FHIT: variants seen among roughly 807,000 people sequenced by gnomAD.
The protein encoded by FHIT is bis(5'-adenosyl)-triphosphatase.
A neutral mutation model predicts 17.9 loss-of-function variants in FHIT; 19 were observed. The ratio of observed to expected loss-of-function variants is 1.06; its 90% CI spans 0.74 to 1.56. FHIT has a LOEUF of 1.56. FHIT is among the 40% of genes most tolerant of loss of function. The probability of loss-of-function intolerance (pLI) is 0.00; values close to 1 mark genes in which losing one functional copy is unlikely to be tolerated. For synonymous variants in FHIT, 81 were observed against 69.7 expected, an observed-to-expected ratio of 1.16 and a Z score of -0.81; for missense variants, 248 against 189.2, an observed-to-expected ratio of 1.31 and a Z score of -1.82.
At chr3:60,371,293 G>T (rs1700315790) in intron 5 of FHIT, among the ~76,000 whole-genome samples, 1 of 151,928 alleles carries the variant, frequency 6.6e-6, no homozygotes, top group African/African-American at 2.4e-5. Flanking sequence ...AATGTAATTG[G>T]GATATCCACC....
At chr3:60,364,742 G>T (rs1700041402) in intron 5 of FHIT, among the ~76,000 whole-genome samples, 3 of 152,124 alleles carry the variant, frequency 2.0e-5, no homozygotes, top group African/African-American at 4.8e-5. Flanking sequence ...TTGAATTGGT[G>T]AACTGAGTAC....
At chr3:61,052,200 G>A (rs951397811) in intron 2 of FHIT, among the ~76,000 whole-genome samples, 4 of 152,160 alleles carry the variant, frequency 2.6e-5, no homozygotes, top group Admixed American at 6.5e-5. Flanking sequence ...CCACACTCGT[G>A]TTCTTCCCAG....
intron 5 of FHIT, among the ~76,000 whole-genome samples, chr3:60,134,530 G>A (rs35411457): frequency 0.033 from 5,040 of 152,286 alleles, 175 homozygotes; most frequent in Non-Finnish European, 0.047. Flanking sequence ...CATAGATTGT[G>A]AATGACACAC....
chr3:60,608,073 T>G (rs1416365511), intron 4 of FHIT, among the ~76,000 whole-genome samples: 1 of 152,226 alleles, frequency 6.6e-6, no homozygotes, highest in Non-Finnish European at 1.5e-5. Context: ...TCTGGAGCAC[T>G]CTGCCTCTTT....
intron 7 of FHIT, among the ~76,000 whole-genome samples, chr3:59,990,379 G>A (rs917775619): frequency 3.9e-5 from 6 of 151,996 alleles, no homozygotes; most frequent in Non-Finnish European, 8.8e-5. Flanking sequence ...TCAGTTGCTG[G>A]TTCATTTAAA....
chr3:60,683,450 A>G (rs1471098536), intron 4 of FHIT, among the ~76,000 whole-genome samples: 2 of 152,214 alleles, frequency 1.3e-5, no homozygotes, highest in Non-Finnish European at 2.9e-5. Context: ...ACCCTCCACC[A>G]GCAGAAAGAT....
At chr3:61,053,470 C>A (rs1050969498) in intron 2 of FHIT, among the ~76,000 whole-genome samples, 16 of 151,926 alleles carry the variant, frequency 1.1e-4, no homozygotes, top group African/African-American at 3.6e-4. Flanking sequence ...ACCAGCCTGA[C>A]CACCATGGAG....
intron 5 of FHIT, among the ~76,000 whole-genome samples, chr3:60,182,593 C>T (rs1172435200): frequency 6.6e-6 from 1 of 151,906 alleles, no homozygotes; most frequent in African/African-American, 2.4e-5. Context: ...GCCTGGGCAA[C>T]ATGGCAAGTT....
chr3:59,768,927 C>G (rs763262748), intron 8 of FHIT, among the ~76,000 whole-genome samples: 1 of 152,256 alleles, frequency 6.6e-6, no homozygotes, highest in Non-Finnish European at 1.5e-5. Context: ...GAATCAAACT[C>G]TTACAGCATA....
chr3:60,982,274 C>G (rs1401930327), intron 3 of FHIT, among the ~76,000 whole-genome samples: 14 of 152,242 alleles, frequency 9.2e-5, no homozygotes. Context: ...AGGTTATAAA[C>G]TCAAAGTCCA....
chr3:61,012,367 G>A (rs1444390719), intron 3 of FHIT, among the ~76,000 whole-genome samples: 1 of 152,004 alleles, frequency 6.6e-6, no homozygotes, highest in Non-Finnish European at 1.5e-5. Context: ...AATTGAAGTA[G>A]AACTAATTGA....
intron 4 of FHIT, among the ~76,000 whole-genome samples, chr3:60,798,556 T>A (rs1339488990): frequency 1.3e-5 from 2 of 152,150 alleles, no homozygotes; most frequent in Non-Finnish European, 2.9e-5. Flanking sequence ...TTTTTAAATA[T>A]TTAGACAGAT....
intron 4 of FHIT, among the ~76,000 whole-genome samples, chr3:60,653,788 C>T (rs919190303): frequency 4.6e-5 from 7 of 152,160 alleles, no homozygotes; most frequent in Non-Finnish European, 7.3e-5. Flanking sequence ...TACACCCAAA[C>T]TATCAATTGT....
At chr3:60,987,799 T>C (rs1159144824) in intron 3 of FHIT, among the ~76,000 whole-genome samples, 1 of 152,206 alleles carries the variant, frequency 6.6e-6, no homozygotes, top group Non-Finnish European at 1.5e-5. Flanking sequence ...GGAGGTATGA[T>C]TCTTTGAAGA....
chr3:60,301,299 G>A (rs1222723945), intron 5 of FHIT, among the ~76,000 whole-genome samples: 2 of 152,132 alleles, frequency 1.3e-5, no homozygotes, highest in Non-Finnish European at 2.9e-5. Flanking sequence ...TAGAGATAGT[G>A]TGTTTCACCA....
At chr3:60,486,440 C>A (rs530866039) in intron 5 of FHIT, among the ~76,000 whole-genome samples, 2 of 152,098 alleles carry the variant, frequency 1.3e-5, no homozygotes, top group South Asian at 4.1e-4. Flanking sequence ...ATCCCTTGAA[C>A]AATTCCCCAA....
At chr3:60,194,906 C>T (rs1030899449) in intron 5 of FHIT, among the ~76,000 whole-genome samples, 40 of 152,240 alleles carry the variant, frequency 2.6e-4, no homozygotes, top group African/African-American at 9.1e-4. Context: ...TGGCTCACAC[C>T]TGTAATCCCA....
At chr3:61,071,185 C>A (rs1010371223) in intron 2 of FHIT, among the ~76,000 whole-genome samples, 1 of 151,944 alleles carries the variant, frequency 6.6e-6, no homozygotes, top group Non-Finnish European at 1.5e-5. Flanking sequence ...CTGTGGAATG[C>A]AGGGCCTTGA....
intron 5 of FHIT, among the ~76,000 whole-genome samples, chr3:60,084,728 A>G (rs1703427239): frequency 6.6e-6 from 1 of 152,190 alleles, no homozygotes; most frequent in Admixed American, 6.5e-5. Context: ...CATCTACATA[A>G]TTTCCTTAAA....
Sources: gnomAD v4.1 joint callset for allele counts (sites outside exome capture counted in the v4.1 genomes callset) on GRCh38, gnomAD v4.1.1 for gene constraint, MANE v1.5 for transcripts, NCBI Gene and HGNC (gene_info 2026-07-23, HGNC 2026-07-21) for gene names.